Variants in ZNF664 observed in about 807,000 individuals in gnomAD.
ZNF664 encodes zinc finger protein 664, also known as zinc finger Organ of Corti 1.
A neutral mutation model predicts 18.2 loss-of-function variants in ZNF664; 10 were observed. The ratio of observed to expected loss-of-function variants is 0.55; its 90% CI spans 0.34 to 0.93. ZNF664 has a LOEUF of 0.93. ZNF664 is among the 40% of genes least tolerant of loss of function. The probability of loss-of-function intolerance (pLI) is 0.02; values close to 1 mark genes in which losing one functional copy is unlikely to be tolerated. For synonymous variants in ZNF664, 119 were observed against 104.2 expected, an observed-to-expected ratio of 1.14 and a Z score of -0.86; for missense variants, 193 against 319.0, an observed-to-expected ratio of 0.61 and a Z score of 3.01.
intron 2 of ZNF664, among the ~76,000 whole-genome samples, chr12:123,977,871 T>C (rs1956714628): frequency 1.3e-5 from 2 of 152,166 alleles, no homozygotes; most frequent in Non-Finnish European, 2.9e-5. Context: ...TCATCACAAA[T>C]GCCCCCTGAG....
chr12:123,996,453 G>A (rs899426412), intron 3 of ZNF664, among the ~76,000 whole-genome samples: 1 of 152,156 alleles, frequency 6.6e-6, no homozygotes, highest in Non-Finnish European at 1.5e-5. Context: ...AACAATTCAA[G>A]ATTTTGGAGA....
chr12:124,011,563 A>G lies in ZNF664; in HGVS notation c.-582A>G. On this transcript the variant is annotated 5_prime_UTR_variant, in exon 5 of 5. The change abolishes an upstream ATG in the 5' untranslated region. Coordinates refer to ENST00000337815, the MANE Select transcript of ZNF664 (RefSeq NM_152437.3). The stretch of plus-strand genomic sequence containing the variant: ...TATTACAGGAGACGGCATGATACCC[A>G]TGTAGGGAATTCCCCAAAGCAGGGC... 1.0e-6 allele frequency: 1 copy of G among 986,492 alleles called. No homozygotes were observed. Among genetic ancestry groups the G allele is most frequent in the Non-Finnish European group, 1.2e-6 (1 of 830,822 alleles). 61.1% of individuals were successfully genotyped at this position (986,492 alleles called of 1,614,324 possible).
At chr12:123,995,290 C>T (rs1437884204) in intron 3 of ZNF664, among the ~76,000 whole-genome samples, 5 of 152,200 alleles carry the variant, frequency 3.3e-5, no homozygotes, top group Non-Finnish European at 7.3e-5. Flanking sequence ...AGTGTGAGGC[C>T]GATCAGGCAC....
intron 2 of ZNF664, among the ~76,000 whole-genome samples, chr12:123,986,151 T>G (rs1956822324): frequency 6.6e-6 from 1 of 151,450 alleles, no homozygotes; most frequent in Non-Finnish European, 1.5e-5. Context: ...AGAATCTGTT[T>G]GTTTGTGGCA....
chr12:123,998,944 T>C (rs532660629), intron 3 of ZNF664, among the ~76,000 whole-genome samples: 259 of 152,314 alleles, frequency 1.7e-3, no homozygotes, highest in Non-Finnish European at 2.9e-3. Flanking sequence ...TTGTCACTTA[T>C]CTATGTCAAA....
intron 3 of ZNF664, among the ~76,000 whole-genome samples, chr12:124,000,565 A>T (rs1311548531): frequency 6.6e-6 from 1 of 152,212 alleles, no homozygotes; most frequent in African/African-American, 2.4e-5. Flanking sequence ...TAGTGTAATG[A>T]ATTTTCACAG....
At chr12:124,010,949 A>G (rs1957129326) in intron 3 of ZNF664, among the ~76,000 whole-genome samples, 1 of 152,192 alleles carries the variant, frequency 6.6e-6, no homozygotes, top group African/African-American at 2.4e-5. Flanking sequence ...GCTGAAAAAG[A>G]AAGCCAGAGG....
chr12:124,001,312 T>C (rs897069344), intron 3 of ZNF664, among the ~76,000 whole-genome samples: 2 of 152,250 alleles, frequency 1.3e-5, no homozygotes, highest in African/African-American at 2.4e-5. Context: ...TTCTGTACTT[T>C]AGCTACAGTT....
intron 3 of ZNF664, among the ~76,000 whole-genome samples, chr12:124,005,637 T>C (rs1396522153): frequency 6.6e-6 from 1 of 152,132 alleles, no homozygotes; most frequent in African/African-American, 2.4e-5. Context: ...GGGAATACAT[T>C]TTAAAGTTCC....
chr12:123,998,875 C>G (rs1956980066), intron 3 of ZNF664: 1 of 152,546 alleles, frequency 6.6e-6, no homozygotes, highest in African/African-American at 2.4e-5. Flanking sequence ...GCTTCCAGGA[C>G]TGTTGCCTCA....
At chr12:123,979,954 G>C (rs1045156999) in intron 2 of ZNF664, among the ~76,000 whole-genome samples, 3 of 152,208 alleles carry the variant, frequency 2.0e-5, no homozygotes, top group African/African-American at 7.2e-5. Flanking sequence ...AAAGTGTTGG[G>C]ATTACAGGCA....
chr12:123,973,347 CT>C lies in ZNF664; in HGVS notation c.-895del. ...CGGCCTGGGGCGCTGACTCCCCTCA[CT>C]TGGAGTGAGTTCTCGGCGGCCGGGC... On this transcript the variant is annotated 5_prime_UTR_variant, in exon 1 of 5. Coordinates refer to ENST00000337815, the MANE Select transcript of ZNF664 (RefSeq NM_152437.3). 3.1e-6 allele frequency: 3 copies of C among 955,770 alleles called. No homozygotes were observed. Among genetic ancestry groups the C allele is most frequent in the Non-Finnish European group, 3.7e-6 (3 of 811,958 alleles). The allele number at this position is 955,770 out of a possible 1,614,324, so 59.2% of individuals were successfully genotyped here.
chr12:124,006,922 A>C (rs922693245), intron 3 of ZNF664, among the ~76,000 whole-genome samples: 5 of 152,084 alleles, frequency 3.3e-5, no homozygotes, highest in Admixed American at 6.5e-5. Flanking sequence ...CTGGAGTGAG[A>C]GATAGCCTTG....
At chr12:123,985,588 A>G (rs1956814691) in intron 2 of ZNF664, among the ~76,000 whole-genome samples, 1 of 152,274 alleles carries the variant, frequency 6.6e-6, no homozygotes, top group South Asian at 2.1e-4. Flanking sequence ...TTAAGAAAAG[A>G]TAACAGATTC....
At chr12:123,982,149 C>T (rs1956772145) in intron 2 of ZNF664, among the ~76,000 whole-genome samples, 1 of 152,174 alleles carries the variant, frequency 6.6e-6, no homozygotes, top group African/African-American at 2.4e-5. Context: ...CACGTAGGGG[C>T]AGGCCAGGAA....
intron 2 of ZNF664, among the ~76,000 whole-genome samples, chr12:123,974,979 C>G (rs576849197): frequency 6.6e-6 from 1 of 152,172 alleles, no homozygotes; most frequent in South Asian, 2.1e-4. Flanking sequence ...TGATGAAGTT[C>G]TCTTTTGGTT....
intron 3 of ZNF664, among the ~76,000 whole-genome samples, chr12:123,994,183 C>G (rs1956920915): frequency 6.6e-6 from 1 of 150,842 alleles, no homozygotes. Flanking sequence ...AAGTGGTCAT[C>G]TTACAGTTTG....
intron 3 of ZNF664, among the ~76,000 whole-genome samples, chr12:123,990,442 C>G (rs1212981598): frequency 1.3e-5 from 2 of 152,028 alleles, no homozygotes; most frequent in Admixed American, 1.3e-4. Flanking sequence ...AGGGCCCAAC[C>G]TGTCTTCCTT....
intron 3 of ZNF664, among the ~76,000 whole-genome samples, chr12:123,988,388 CTTCATTTTCTTCTTT>C (rs1956849239): frequency 6.6e-6 from 1 of 152,130 alleles, no homozygotes; most frequent in African/African-American, 2.4e-5. Context: ...TCCCTGGGAT[CTTCATTTTCTTCTTT>C]CCATGTGAAC....
Sources: gnomAD v4.1 joint callset for allele counts (sites outside exome capture counted in the v4.1 genomes callset) on GRCh38, gnomAD v4.1.1 for gene constraint, MANE v1.5 for transcripts, NCBI Gene and HGNC (gene_info 2026-07-23, HGNC 2026-07-21) for gene names.